Variants in SLC24A3 observed in about 807,000 individuals in gnomAD.
SLC24A3 encodes the protein solute carrier family 24 member 3.
SLC24A3 carries 28 observed loss-of-function variants against 75.8 expected under a neutral mutation model. The ratio of observed to expected loss-of-function variants is 0.37; its 90% CI spans 0.27 to 0.51. The LOEUF (loss-of-function observed/expected upper bound fraction) is 0.51, where lower values mean the gene tolerates loss of function less well. Among genes scored for constraint, SLC24A3 ranks in the 20% least tolerant of loss-of-function variants. The pLI is 0.94. For missense variants in SLC24A3, 663 were observed against 847.8 expected (o/e 0.78, Z 2.71); for synonymous variants, 372 against 334.1 (o/e 1.11, Z -1.24).
intron 2 of SLC24A3, among the ~76,000 whole-genome samples, chr20:19,508,677 C>T (rs978482731): frequency 2.6e-5 from 4 of 152,148 alleles, no homozygotes; most frequent in African/African-American, 7.2e-5. Context: ...GGAACAGCAC[C>T]GCTTGCTTCT....
At chr20:19,621,991 C>T (rs1327710932) in intron 6 of SLC24A3, among the ~76,000 whole-genome samples, 2 of 152,178 alleles carry the variant, frequency 1.3e-5, no homozygotes, top group Non-Finnish European at 1.5e-5. Context: ...CTCCCCTGTG[C>T]CAACATCAGG....
chr20:19,304,852 C>T (rs1043061639), intron 2 of SLC24A3, among the ~76,000 whole-genome samples: 1 of 152,054 alleles, frequency 6.6e-6, no homozygotes, highest in Non-Finnish European at 1.5e-5. Flanking sequence ...TCCTGAATGC[C>T]TGGCTTCTTA....
chr20:19,262,857 G>A (rs1437358007), intron 1 of SLC24A3, among the ~76,000 whole-genome samples: 1 of 151,878 alleles, frequency 6.6e-6, no homozygotes, highest in African/African-American at 2.4e-5. Context: ...GTGAGATTGT[G>A]TGCTGGGCAC....
At chr20:19,407,557 C>T (rs927742863) in intron 2 of SLC24A3, among the ~76,000 whole-genome samples, 10 of 152,058 alleles carry the variant, frequency 6.6e-5, no homozygotes, top group East Asian at 1.9e-4. Context: ...GAGAGCTCTT[C>T]GTGGAGAATA....
At chr20:19,495,173 G>A (rs986576675) in intron 2 of SLC24A3, among the ~76,000 whole-genome samples, 5 of 152,150 alleles carry the variant, frequency 3.3e-5, no homozygotes, top group South Asian at 2.1e-4. Flanking sequence ...CTGGCCAAGT[G>A]CAACTCTGGA....
chr20:19,318,904 CTTT>C (rs925850176), intron 2 of SLC24A3, among the ~76,000 whole-genome samples: 1 of 151,852 alleles, frequency 6.6e-6, no homozygotes, highest in Non-Finnish European at 1.5e-5. Flanking sequence ...CTAAATGATG[CTTT>C]TTTTTCTCCT....
rs143152776 is a variant in SLC24A3 at position 19,293,470 on chromosome 20, A to G, written c.271+12383A>G. Among the ~76,000 whole-genome samples the G allele has an allele frequency of 2.6e-3, 392 of 152,150 alleles. 10 individuals carry two copies. In the East Asian group the frequency reaches 0.056, roughly 22 times the overall value. On this transcript the variant is annotated intron_variant, in intron 2 of 16. Transcript: ENST00000328041. ...CAGGAGTTCAAGACCAGCCTGGCCA[A>G]CATCGTGAAAACCCATCTCTACTAA...
chr20:19,512,943 C>A (rs948046133), intron 2 of SLC24A3, among the ~76,000 whole-genome samples: 1 of 152,210 alleles, frequency 6.6e-6, no homozygotes, highest in Non-Finnish European at 1.5e-5. Context: ...GGGCATATGA[C>A]TGGCTTGTTT....
chr20:19,667,658 G>C (rs1600330015), intron 8 of SLC24A3, among the ~76,000 whole-genome samples: 1 of 152,188 alleles, frequency 6.6e-6, no homozygotes, highest in Non-Finnish European at 1.5e-5. Flanking sequence ...CAGCCTTAGA[G>C]GGAGCCGTCT....
At chr20:19,712,489 G>T (rs1791479453) in intron 15 of SLC24A3, among the ~76,000 whole-genome samples, 1 of 152,074 alleles carries the variant, frequency 6.6e-6, no homozygotes. Flanking sequence ...GAGTAGAGGT[G>T]GGAAGGAGGT....
At chr20:19,326,131 C>T (rs149804175) in intron 2 of SLC24A3, among the ~76,000 whole-genome samples, 4 of 151,886 alleles carry the variant, frequency 2.6e-5, no homozygotes, top group East Asian at 1.9e-4. Flanking sequence ...CTGCCTGGCA[C>T]GTGAATTCTT....
At chr20:19,675,205 A>G (rs2032509541) in intron 9 of SLC24A3, among the ~76,000 whole-genome samples, 1 of 152,204 alleles carries the variant, frequency 6.6e-6, no homozygotes, top group South Asian at 2.1e-4. Flanking sequence ...CTGTGCTGCA[A>G]CTGCCCAACC....
chr20:19,520,525 T>C (rs1268780048), intron 3 of SLC24A3, among the ~76,000 whole-genome samples: 2 of 152,198 alleles, frequency 1.3e-5, no homozygotes, highest in Non-Finnish European at 1.5e-5. Context: ...GCTCATGTTA[T>C]TAAAGGAAAT....
chr20:19,352,265 T>A (rs8126148), intron 2 of SLC24A3, among the ~76,000 whole-genome samples: 8,304 of 152,178 alleles, frequency 0.055, 599 homozygotes, highest in East Asian at 0.25. Context: ...CAGCCTTCGA[T>A]GAGGCCCTAT....
chr20:19,476,994 G>A (rs1188746944), intron 2 of SLC24A3, among the ~76,000 whole-genome samples: 2 of 152,070 alleles, frequency 1.3e-5, no homozygotes, highest in African/African-American at 4.8e-5. Context: ...TAAACCCTAC[G>A]GGTGTCAGCT....
intron 6 of SLC24A3, among the ~76,000 whole-genome samples, chr20:19,591,256 TCTC>T (rs1325890421): frequency 6.6e-6 from 1 of 152,072 alleles, no homozygotes; most frequent in East Asian, 1.9e-4. Flanking sequence ...TTTGATACGA[TCTC>T]CTGAAGTCAG....
intron 3 of SLC24A3, among the ~76,000 whole-genome samples, chr20:19,575,639 A>G (rs1304123971): frequency 2.0e-5 from 3 of 152,204 alleles, no homozygotes; most frequent in Admixed American, 6.5e-5. Context: ...CTCCACATTC[A>G]CTTGTACCGG....
chr20:19,404,561 C>A (rs1182553814), intron 2 of SLC24A3, among the ~76,000 whole-genome samples: 1 of 152,218 alleles, frequency 6.6e-6, no homozygotes, highest in Non-Finnish European at 1.5e-5. Context: ...ATCAGCCTTT[C>A]TCCTTCTGTA....
chr20:19,553,098 C>T (rs1337365833), intron 3 of SLC24A3, among the ~76,000 whole-genome samples: 1 of 137,554 alleles, frequency 7.3e-6, no homozygotes, highest in Non-Finnish European at 1.6e-5. Context: ...TCCCTCCTTC[C>T]TTCCTTCCTT....
Sources: gnomAD v4.1 joint callset for allele counts (sites outside exome capture counted in the v4.1 genomes callset) on GRCh38, gnomAD v4.1.1 for gene constraint, MANE v1.5 for transcripts, NCBI Gene and HGNC (gene_info 2026-07-23, HGNC 2026-07-21) for gene names.